The following TMEM14C variants were observed in gnomAD, a reference collection of about 807,000 sequenced individuals.
TMEM14C encodes the protein chromosome 6 open reading frame 53.
TMEM14C carries 13 observed loss-of-function variants against 14.8 expected under a neutral mutation model. The observed-to-expected ratio is 0.88, with a 90% CI of 0.57 to 1.40. TMEM14C has a LOEUF of 1.40. TMEM14C is among the 40% of genes most tolerant of loss of function. The probability of loss-of-function intolerance (pLI) is 0.00; values close to 1 mark genes in which losing one functional copy is unlikely to be tolerated. For synonymous variants in TMEM14C, 57 were observed against 51.3 expected, an observed-to-expected ratio of 1.11 and a Z score of -0.48; for missense variants, 142 against 138.8, an observed-to-expected ratio of 1.02 and a Z score of -0.12.
rs909384912 is a variant in TMEM14C, at chr6:10,723,241, G to A, written c.-45G>A. On this transcript the variant is annotated splice_region_variant and 5_prime_UTR_variant, in exon 1 of 6. Coordinates refer to ENST00000229563, the MANE Select transcript of TMEM14C (RefSeq NM_016462.4). ...AGACAGCCGGGGCCTTCGTGAGACC[G>A]GTGCGAGTATTTGGGGATTATTCTT... is the stretch of plus-strand genomic sequence containing the variant. 1 of 152,288 alleles carries A rather than the reference G, an allele frequency of 6.6e-6. No individual in the cohort carries two copies. Among genetic ancestry groups the A allele is most frequent in the East Asian group, 1.9e-4 (1 of 5,198 alleles). 9.4% of individuals were successfully genotyped at this position (152,288 alleles called of 1,614,324 possible). A position where few individuals can be genotyped will look rare whatever the true frequency, so the allele number is the denominator to read the frequency against.
rs1771004559 is a variant in TMEM14C, at chr6:10,730,879, T to C, written c.*213T>C. The C allele has an allele frequency of 1.6e-6, 2 of 1,223,660 alleles. No individual in the cohort carries two copies. The highest frequency in any genetic ancestry group is 5.7e-5 in the South Asian group (2 of 34,884). The allele number at this position is 1,223,660 out of a possible 1,614,324, so 75.8% of individuals were successfully genotyped here. On this transcript the variant is annotated 3_prime_UTR_variant, in exon 6 of 6. Coordinates refer to ENST00000229563, the MANE Select transcript of TMEM14C (RefSeq NM_016462.4). ...GTAACACAAGAGCTTAATAAGACCC[T>C]CATAGAGCTTGATTCTTGTATATTG...
At chr6:10,724,417 T>A (rs1770793597) in intron 1 of TMEM14C, 153 bp from the exon 2 acceptor site, 2 of 608,422 alleles carry the variant, frequency 3.3e-6, no homozygotes, top group East Asian at 2.8e-5. Context: ...GAATGCTCAC[T>A]ACAGCCCCAG....
intron 4 of TMEM14C, among the ~76,000 whole-genome samples, chr6:10,727,121 C>T (rs1416532656): frequency 6.6e-6 from 1 of 152,168 alleles, no homozygotes; most frequent in African/African-American, 2.4e-5. Flanking sequence ...GAAAAAACAG[C>T]AGCCATCAGG....
chr6:10,728,708 G>C lies in TMEM14C; in HGVS notation c.268G>C (p.Gly90Arg). The C allele has an allele frequency of 6.2e-7, 1 of 1,614,204 alleles. No homozygotes were observed. ...FYHSGKFMPA[G>R]LIAGASLLMV... is the part of the protein sequence containing the mutation. ...CCACTCTGGAAAATTCATGCCTGCA[G>C]GTTTAATTGCAGGTGCCAGGTACTT... is the stretch of plus-strand genomic sequence containing the variant. The change falls in exon 5 of 6, where the codon GGT becomes CGT. Residue 90 changes from glycine (G) to arginine (R), a missense_variant. By Grantham distance (125) the Gly-to-Arg change is moderately radical (BLOSUM62 -2). Coordinates refer to ENST00000229563, the MANE Select transcript of TMEM14C (RefSeq NM_016462.4).
At chr6:10,724,541 C>G in intron 1 of TMEM14C, 29 bp from the exon 2 acceptor site, 1 of 1,522,202 alleles carries the variant, frequency 6.6e-7, no homozygotes, top group Non-Finnish European at 9.1e-7. Context: ...GTGCTTTTAA[C>G]TACCTCTGAT....
At chr6:10,728,042 A>C (rs11963485) in intron 4 of TMEM14C, among the ~76,000 whole-genome samples, 1 of 152,226 alleles carries the variant, frequency 6.6e-6, no homozygotes, top group African/African-American at 2.4e-5. Context: ...GGGCCTCTGC[A>C]TATACTGTCC....
chr6:10,729,866 A>C (rs1770977973), intron 5 of TMEM14C, among the ~76,000 whole-genome samples: 2 of 151,870 alleles, frequency 1.3e-5, no homozygotes, highest in East Asian at 3.9e-4. Flanking sequence ...GGGAGGCCAG[A>C]GCGGGCGGAT....
intron 1 of TMEM14C, 152 bp from the exon 2 acceptor site, chr6:10,724,418 A>G (rs909727776): frequency 1.2e-5 from 7 of 608,352 alleles, no homozygotes; most frequent in South Asian, 2.0e-5. Context: ...AATGCTCACT[A>G]CAGCCCCAGG....
At chr6:10,725,154 G>A in intron 3 of TMEM14C, 117 bp downstream of exon 3, 1 of 1,243,416 alleles carries the variant, frequency 8.0e-7, no homozygotes, top group Non-Finnish European at 1.2e-6. Flanking sequence ...GGGTCCCCAA[G>A]CTGGAGTGCA....
chr6:10,728,779 C>G, intron 5 of TMEM14C, 52 bp downstream of exon 5: 1 of 1,612,906 alleles, frequency 6.2e-7, no homozygotes, highest in South Asian at 1.1e-5. Context: ...GTTTATTCCC[C>G]AGGATACCTT....
chr6:10,725,396 C>T (rs1338126814), intron 3 of TMEM14C, among the ~76,000 whole-genome samples: 5 of 152,228 alleles, frequency 3.3e-5, no homozygotes, highest in African/African-American at 1.2e-4. Context: ...ATTTTGAACT[C>T]TCCTCGTTAG....
intron 4 of TMEM14C, among the ~76,000 whole-genome samples, chr6:10,727,098 C>T (rs867406629): frequency 3.9e-5 from 6 of 152,268 alleles, no homozygotes; most frequent in Non-Finnish European, 7.4e-5. Flanking sequence ...AATGACCTCA[C>T]GCCTATTGTA....
chr6:10,730,572 C>G (rs1237846537), intron 5 of TMEM14C, 43 bp from the exon 6 acceptor site: 1 of 1,598,238 alleles, frequency 6.3e-7, no homozygotes, highest in Admixed American at 1.7e-5. Context: ...GTTGCCTGTT[C>G]TGTCCTTTAC....
rs371225553 is a variant in TMEM14C at position 10,728,735 on chromosome 6, C to T, written c.287+8C>T. 6.2e-6 allele frequency: 10 copies of T among 1,614,060 alleles called. No homozygotes were observed. The African/African-American group carries it at 1.2e-4, about 19-fold the overall frequency. On this transcript the variant is annotated splice_region_variant and intron_variant, in intron 5 of 5. Transcript: ENST00000229563. The stretch of plus-strand genomic sequence containing the variant: ...TTTAATTGCAGGTGCCAGGTACTTT[C>T]ATTCTATTACTCTTCTTTACCATGT...
chr6:10,725,777 T>C (rs1387207200), intron 3 of TMEM14C, 130 bp from the exon 4 acceptor site: 4 of 1,082,990 alleles, frequency 3.7e-6, no homozygotes, highest in African/African-American at 1.6e-5. Flanking sequence ...CCTGCTTGAG[T>C]CCACCTTGGC....
chr6:10,724,945 C>T lies in TMEM14C; in HGVS notation c.21-16C>T, dbSNP rs1561903847. The T allele has an allele frequency of 3.1e-6, 5 of 1,614,172 alleles. No individual in the cohort carries two copies. The highest frequency in any genetic ancestry group is 4.2e-6 in the Non-Finnish European group (5 of 1,180,000). On this transcript the variant is annotated splice_polypyrimidine_tract_variant and intron_variant, in intron 2 of 5. Transcript: ENST00000229563. ...AAAGCCAGGTTAGCACTGACTTCTC[C>T]CTCTTGTGTTTTCAGAGTGCCTTTG... is the stretch of plus-strand genomic sequence containing the variant.
At position 10,725,997 on chromosome 6, in the gene TMEM14C, G is replaced by C. The variant is rs1770849639; in HGVS notation, c.188G>C (p.Trp63Ser). The C allele has an allele frequency of 9.9e-6, 16 of 1,613,912 alleles. No individual in the cohort carries two copies. Among genetic ancestry groups the C allele is most frequent in the Non-Finnish European group, 1.4e-5 (16 of 1,180,014 alleles). The change falls in exon 4 of 6, where the codon TGG becomes TCG. Residue 63 changes from tryptophan (W) to serine (S), a missense_variant. Trp to Ser is a radical substitution (Grantham distance 177, BLOSUM62 -3). Transcript: ENST00000229563. ...YQLSQDPRNV[W>S]VFLATSGTLA... ...CTGTCTCAGGATCCAAGGAACGTTT[G>C]GGTTTTCCTAGGTATGTCTGCTTTG... is the stretch of plus-strand genomic sequence containing the variant.
At chr6:10,729,792 CAAA>C (rs1770975538) in intron 5 of TMEM14C, among the ~76,000 whole-genome samples, 1 of 151,662 alleles carries the variant, frequency 6.6e-6, no homozygotes, top group African/African-American at 2.4e-5. Flanking sequence ...AACAAACAAA[CAAA>C]CAAACAAAAC....
At chr6:10,724,928 G>T in intron 2 of TMEM14C, 33 bp from the exon 3 acceptor site, 2 of 1,613,226 alleles carry the variant, frequency 1.2e-6, no homozygotes, top group Non-Finnish European at 1.7e-6. Context: ...TCAAAGCCAG[G>T]TTAGCACTGA....
Sources: allele counts gnomAD v4.1 joint callset (sites outside exome capture counted in the v4.1 genomes callset), GRCh38; gene constraint gnomAD v4.1.1; transcripts MANE v1.5; gene names NCBI Gene and HGNC (gene_info 2026-07-23, HGNC 2026-07-21).